SUZ12: variants seen among roughly 807,000 people sequenced by gnomAD.
SUZ12 encodes SUZ12 polycomb repressive complex 2 subunit.
Under a neutral mutation model 87.3 loss-of-function variants are expected in SUZ12, and 17 were observed. That is an observed-to-expected ratio of 0.19 (90% CI 0.13 to 0.29). The LOEUF is 0.29. Among genes scored for constraint, SUZ12 ranks in the 10% least tolerant of loss-of-function variants. SUZ12 has a pLI of 1.00. For missense variants in SUZ12, 526 were observed against 912.2 expected, an observed-to-expected ratio of 0.58 and a Z score of 5.45; for synonymous variants, 253 against 312.4, an observed-to-expected ratio of 0.81 and a Z score of 2.01.
chr17:31,984,845 A>G (rs969429810), intron 9 of SUZ12, among the ~76,000 whole-genome samples: 2 of 152,186 alleles, frequency 1.3e-5, no homozygotes, highest in Non-Finnish European at 2.9e-5. Flanking sequence ...TATACTCTCA[A>G]ATAATATTTT....
intron 4 of SUZ12, among the ~76,000 whole-genome samples, chr17:31,949,525 T>C (rs1485066051): frequency 6.6e-6 from 1 of 151,758 alleles, no homozygotes; most frequent in East Asian, 1.9e-4. Flanking sequence ...CTTTAATCTA[T>C]TTCTTTTTTT....
chr17:31,942,041 A>G (rs1474887156), intron 3 of SUZ12, among the ~76,000 whole-genome samples: 2 of 151,566 alleles, frequency 1.3e-5, no homozygotes, highest in African/African-American at 4.9e-5. Context: ...TTTAGTAGAG[A>G]TGGGGTTTCA....
At chr17:31,945,842 A>T (rs1906601435) in intron 3 of SUZ12, among the ~76,000 whole-genome samples, 3 of 152,198 alleles carry the variant, frequency 2.0e-5, no homozygotes, top group Admixed American at 1.3e-4. Flanking sequence ...TTTCTTAATC[A>T]TTACATAAAC....
intron 3 of SUZ12, among the ~76,000 whole-genome samples, chr17:31,947,343 G>A (rs911013822): frequency 6.6e-5 from 10 of 152,116 alleles, no homozygotes; most frequent in Admixed American, 1.3e-4. Context: ...TATAAACCAA[G>A]TACCATGGGT....
chr17:31,985,094 G>A (rs1909331322), intron 9 of SUZ12, among the ~76,000 whole-genome samples: 1 of 148,092 alleles, frequency 6.8e-6, no homozygotes. Context: ...GGGAGGCAGA[G>A]GTTTCAGTGA....
chr17:31,966,516 T>G, intron 5 of SUZ12: 1 of 213,114 alleles, frequency 4.7e-6, no homozygotes, highest in East Asian at 1.4e-4. Context: ...CTGGCTAATT[T>G]TTTGTATTTT....
intron 10 of SUZ12, among the ~76,000 whole-genome samples, chr17:31,992,800 C>T (rs1034499248): frequency 3.3e-5 from 5 of 151,512 alleles, no homozygotes; most frequent in East Asian, 3.9e-4. Flanking sequence ...CTCCGCCTCC[C>T]GGGTTCAAGC....
At chr17:31,993,620 C>T (rs1909830632) in intron 11 of SUZ12, among the ~76,000 whole-genome samples, 2 of 152,006 alleles carry the variant, frequency 1.3e-5, no homozygotes. Context: ...GAGGTTTTAC[C>T]ATGTTGCCCA....
rs866474934 is a variant in SUZ12 at position 31,981,223 on chromosome 17, G to A, written c.918-1776G>A. ...CAACTTGTCTTTCAGGTAGATGTCT[G>A]TCATTCTTGAATGTAAACAGGTCAT... On this transcript the variant is annotated intron_variant, in intron 8 of 15. Coordinates refer to ENST00000322652, the MANE Select transcript of SUZ12 (RefSeq NM_015355.4). 7.2e-5 allele frequency among the ~76,000 whole-genome samples: 11 copies of A among 152,290 alleles called. No homozygotes were observed. The South Asian group carries it at 2.3e-3, about 32-fold the overall frequency.
chr17:31,939,798 A>G (rs1028074897), intron 1 of SUZ12, among the ~76,000 whole-genome samples: 1 of 152,072 alleles, frequency 6.6e-6, no homozygotes, highest in Non-Finnish European at 1.5e-5. Context: ...AGTGCTGGGA[A>G]TACAGGCATG....
At chr17:31,997,039 G>GT (rs908689050) in intron 15 of SUZ12, among the ~76,000 whole-genome samples, 162 bp downstream of exon 15, 10 of 151,556 alleles carry the variant, frequency 6.6e-5, no homozygotes, top group Middle Eastern at 3.4e-3. Context: ...GGTTTGGCAG[G>GT]TTTTTTTTAG....
chr17:31,937,609 G>C, intron 1 of SUZ12, 89 bp downstream of exon 1: 1 of 1,495,532 alleles, frequency 6.7e-7, no homozygotes, highest in East Asian at 2.6e-5. Flanking sequence ...TCCTCCTCGG[G>C]AGTCCACTTG....
intron 8 of SUZ12, among the ~76,000 whole-genome samples, chr17:31,978,119 G>T (rs959547394): frequency 6.6e-6 from 1 of 152,108 alleles, no homozygotes; most frequent in African/African-American, 2.4e-5. Context: ...ACCAGGCTGC[G>T]TGCTGGTAGT....
At chr17:31,970,637 A>T (rs1908371979) in intron 5 of SUZ12, among the ~76,000 whole-genome samples, 2 of 152,062 alleles carry the variant, frequency 1.3e-5, no homozygotes. Flanking sequence ...AGAAAAGAAA[A>T]AAAAAAATTA....
chr17:31,937,566 A>C, intron 1 of SUZ12, 46 bp downstream of exon 1: 5 of 1,527,616 alleles, frequency 3.3e-6, no homozygotes, highest in Non-Finnish European at 4.4e-6. Context: ...CACTCTGCCA[A>C]CACCGGGGAT....
intron 4 of SUZ12, among the ~76,000 whole-genome samples, chr17:31,961,776 C>T (rs1348436913): frequency 2.0e-5 from 3 of 152,134 alleles, no homozygotes; most frequent in Non-Finnish European, 4.4e-5. Context: ...AAAATATTCT[C>T]TGGGGTAAAT....
chr17:31,955,900 ATAT>A (rs939295584), intron 4 of SUZ12, among the ~76,000 whole-genome samples: 2 of 151,400 alleles, frequency 1.3e-5, no homozygotes, highest in South Asian at 2.1e-4. Context: ...TTAAAGTTGT[ATAT>A]TATTATTATT....
intron 13 of SUZ12, among the ~76,000 whole-genome samples, chr17:31,995,125 A>ATTC (rs1909904629): frequency 6.6e-6 from 1 of 152,378 alleles, no homozygotes; most frequent in South Asian, 2.1e-4. Context: ...TAAAAAAATT[A>ATTC]CAAAGAGGGA....
intron 4 of SUZ12, among the ~76,000 whole-genome samples, chr17:31,954,560 C>T (rs964811215): frequency 4.6e-5 from 7 of 150,544 alleles, no homozygotes; most frequent in Non-Finnish European, 8.9e-5. Flanking sequence ...TGGATGAAGG[C>T]CCTGCCTTTA....
Sources: allele counts gnomAD v4.1 joint callset (sites outside exome capture counted in the v4.1 genomes callset), GRCh38; gene constraint gnomAD v4.1.1; transcripts MANE v1.5; gene names NCBI Gene and HGNC (gene_info 2026-07-23, HGNC 2026-07-21).